CDYL2: variants seen among roughly 807,000 people sequenced by gnomAD.
The protein encoded by CDYL2 is chromodomain Y like 2, also known as chromodomain Y-like protein 2.
Under a neutral mutation model 49.4 loss-of-function variants are expected in CDYL2, and 23 were observed. The ratio of observed to expected loss-of-function variants is 0.47; its 90% CI spans 0.34 to 0.66. The LOEUF (loss-of-function observed/expected upper bound fraction) is 0.66. Among genes scored for constraint, CDYL2 ranks in the 30% least tolerant of loss-of-function variants. The probability of loss-of-function intolerance (pLI) is 0.01; values close to 1 mark genes in which losing one functional copy is unlikely to be tolerated. For synonymous variants in CDYL2, 360 were observed against 268.8 expected (o/e 1.34, Z -3.32); for missense variants, 678 against 656.4 (o/e 1.03, Z -0.36).
chr16:80,616,975 C>A (rs889744096), intron 4 of CDYL2, among the ~76,000 whole-genome samples: 4 of 152,210 alleles, frequency 2.6e-5, no homozygotes, highest in African/African-American at 7.2e-5. Context: ...TGAGCTCAGG[C>A]GGTCTGCTTC....
At chr16:80,660,766 A>G (rs1050191482) in intron 2 of CDYL2, among the ~76,000 whole-genome samples, 1 of 152,240 alleles carries the variant, frequency 6.6e-6, no homozygotes, top group Admixed American at 6.5e-5. Flanking sequence ...CAACTCAGCA[A>G]AGAGGGGAAG....
intron 1 of CDYL2, among the ~76,000 whole-genome samples, chr16:80,691,009 G>C (rs1283078735): frequency 1.3e-5 from 2 of 152,082 alleles, no homozygotes; most frequent in Non-Finnish European, 2.9e-5. Flanking sequence ...TTGAGAAATT[G>C]TGGGTTTACT....
At chr16:80,733,753 A>G (rs1157100241) in intron 1 of CDYL2, among the ~76,000 whole-genome samples, 1 of 152,208 alleles carries the variant, frequency 6.6e-6, no homozygotes, top group Non-Finnish European at 1.5e-5. Flanking sequence ...AGCTCTTCTA[A>G]CAGATCACAG....
intron 1 of CDYL2, among the ~76,000 whole-genome samples, chr16:80,692,847 G>T (rs1275984060): frequency 6.6e-6 from 1 of 152,130 alleles, no homozygotes; most frequent in Non-Finnish European, 1.5e-5. Flanking sequence ...TTACTTTCAA[G>T]AAAGAACACA....
At chr16:80,749,548 CAA>C in intron 1 of CDYL2, among the ~76,000 whole-genome samples, 1 of 150,418 alleles carries the variant, frequency 6.6e-6, no homozygotes, top group East Asian at 2.0e-4. Flanking sequence ...TTTATCTTAG[CAA>C]AAAAAAATTG....
intron 1 of CDYL2, among the ~76,000 whole-genome samples, chr16:80,732,052 G>A (rs1007516604): frequency 1.3e-5 from 2 of 152,164 alleles, no homozygotes; most frequent in African/African-American, 4.8e-5. Context: ...GCAAGGCTCT[G>A]TATTCACAGC....
At chr16:80,629,184 G>A (rs1328575920) in intron 3 of CDYL2, among the ~76,000 whole-genome samples, 1 of 152,118 alleles carries the variant, frequency 6.6e-6, no homozygotes, top group East Asian at 1.9e-4. Context: ...TGTGTATAAA[G>A]GGTTGACTTG....
At chr16:80,712,073 GTATA>G (rs1198391486) in intron 1 of CDYL2, among the ~76,000 whole-genome samples, 4 of 149,724 alleles carry the variant, frequency 2.7e-5, no homozygotes, top group Non-Finnish European at 3.0e-5. Context: ...ATAGATGTGT[GTATA>G]TAGATGTGTG....
In CDYL2 at chr16:80,604,248, C is replaced by T. The variant is rs1906228191; in HGVS notation, c.*140G>A. On this transcript the variant is annotated 3_prime_UTR_variant, in exon 7 of 7. Coordinates refer to ENST00000570137, the MANE Select transcript of CDYL2 (RefSeq NM_152342.4). Reference sequence around the variant, plus strand: ...ACAAAATCAAACCAAGGAGGAGCAACCAAAGGACACGAGGAAATGGACACA... The same window carrying T: ...ACAAAATCAAACCAAGGAGGAGCAATCAAAGGACACGAGGAAATGGACACA... The T allele has an allele frequency of 2.1e-6, 2 of 954,340 alleles. No homozygotes were observed. The highest frequency in any genetic ancestry group is 3.3e-5 in the African/African-American group (2 of 61,122). 59.1% of individuals were successfully genotyped at this position (954,340 alleles called of 1,614,324 possible).
At chr16:80,655,225 C>A (rs1908754154) in intron 2 of CDYL2, among the ~76,000 whole-genome samples, 1 of 152,196 alleles carries the variant, frequency 6.6e-6, no homozygotes, top group Non-Finnish European at 1.5e-5. Context: ...AAAGTGAGTA[C>A]CTTGCTGGAA....
At position 80,617,407 on chromosome 16, in the gene CDYL2, T is replaced by C. The variant is rs571869539; in HGVS notation, c.1007+3356A>G. 3.5e-4 allele frequency among the ~76,000 whole-genome samples: 54 copies of C among 152,340 alleles called. 2 individuals are homozygous for C. In the South Asian group the frequency reaches 0.011, roughly 30 times the overall value. ...TCTTTCACAAGAGACTTCTTGTAAG[T>C]ATGCTAATACACCTAGAAAGTCCAC... On this transcript the variant is annotated intron_variant, in intron 4 of 6. Coordinates refer to ENST00000570137, the MANE Select transcript of CDYL2 (RefSeq NM_152342.4).
chr16:80,750,205 C>T (rs1906082947), intron 1 of CDYL2, among the ~76,000 whole-genome samples: 1 of 151,266 alleles, frequency 6.6e-6, no homozygotes, highest in Non-Finnish European at 1.5e-5. Context: ...TGCACATGTA[C>T]CCTAGAACTT....
intron 1 of CDYL2, among the ~76,000 whole-genome samples, chr16:80,742,785 G>C (rs1202699588): frequency 6.9e-6 from 1 of 144,276 alleles, no homozygotes; most frequent in Non-Finnish European, 1.5e-5. Context: ...TAGATGGGCA[G>C]ATGGATGGAC....
At chr16:80,759,283 CT>C (rs1425902765) in intron 1 of CDYL2, among the ~76,000 whole-genome samples, 1 of 150,708 alleles carries the variant, frequency 6.6e-6, no homozygotes, top group Non-Finnish European at 1.5e-5. Context: ...ATATTTGTGC[CT>C]TTTGAATACT....
At chr16:80,781,247 G>A (rs1907257636) in intron 1 of CDYL2, among the ~76,000 whole-genome samples, 1 of 152,212 alleles carries the variant, frequency 6.6e-6, no homozygotes, top group Admixed American at 6.5e-5. Context: ...AGTTGGAGAA[G>A]TTCTAACTGA....
intron 2 of CDYL2, among the ~76,000 whole-genome samples, chr16:80,678,941 G>A (rs1909863477): frequency 6.6e-6 from 1 of 151,118 alleles, no homozygotes; most frequent in Non-Finnish European, 1.5e-5. Flanking sequence ...CATAAAAAAT[G>A]ATGAGTTCAC....
chr16:80,673,482 T>C lies in CDYL2; in HGVS notation c.616+11056A>G, dbSNP rs549083605. 3.9e-5 allele frequency among the ~76,000 whole-genome samples: 6 copies of C among 152,348 alleles called. No homozygotes were observed. The South Asian group carries it at 1.2e-3, about 32-fold the overall frequency. On this transcript the variant is annotated intron_variant, in intron 2 of 6. Coordinates refer to ENST00000570137, the MANE Select transcript of CDYL2 (RefSeq NM_152342.4). The stretch of plus-strand genomic sequence containing the variant: ...AATCTACTTGATGTGGCTTTTGCTA[T>C]TTCTTCTAGCATTGAAATAAGCTTT...
chr16:80,702,685 G>A (rs376426371), intron 1 of CDYL2, among the ~76,000 whole-genome samples: 1 of 152,196 alleles, frequency 6.6e-6, no homozygotes, highest in Admixed American at 6.5e-5. Context: ...AGGAAGGCAA[G>A]GTTGCAGTGG....
chr16:80,780,114 G>A (rs1312811377), intron 1 of CDYL2, among the ~76,000 whole-genome samples: 1 of 152,084 alleles, frequency 6.6e-6, no homozygotes, highest in East Asian at 1.9e-4. Context: ...GTAAAACTGT[G>A]ACCAGAATTT....
Sources: gnomAD v4.1 joint callset for allele counts (sites outside exome capture counted in the v4.1 genomes callset) on GRCh38, gnomAD v4.1.1 for gene constraint, MANE v1.5 for transcripts, NCBI Gene and HGNC (gene_info 2026-07-23, HGNC 2026-07-21) for gene names.